DLC1: variants seen among roughly 807,000 people sequenced by gnomAD.
DLC1 encodes rho GTPase-activating protein 7.
Under a neutral mutation model 140.3 loss-of-function variants are expected in DLC1, and 54 were observed. The ratio of observed to expected loss-of-function variants is 0.38; its 90% CI spans 0.31 to 0.48. DLC1 has a LOEUF of 0.48. Among genes scored for constraint, DLC1 ranks in the 20% least tolerant of loss-of-function variants. DLC1 has a pLI of 0.96. For synonymous variants in DLC1, 986 were observed against 728.1 expected, an observed-to-expected ratio of 1.35 and a Z score of -5.70; for missense variants, 2,536 against 1,907.0, an observed-to-expected ratio of 1.33 and a Z score of -6.14.
At chr8:13,487,205 A>G (rs1353009438) in intron 2 of DLC1, among the ~76,000 whole-genome samples, 1 of 152,258 alleles carries the variant, frequency 6.6e-6, no homozygotes, top group African/African-American at 2.4e-5. Context: ...TGCAAGAAGC[A>G]AAATATTGCA....
intron 4 of DLC1, among the ~76,000 whole-genome samples, chr8:13,360,456 T>A (rs1269297791): frequency 6.6e-6 from 1 of 152,230 alleles, no homozygotes; most frequent in East Asian, 1.9e-4. Context: ...TTTCCTCTAC[T>A]AGTAGTTCTT....
At chr8:13,302,087 T>G (rs564653998) in intron 5 of DLC1, among the ~76,000 whole-genome samples, 2 of 152,370 alleles carry the variant, frequency 1.3e-5, no homozygotes, top group South Asian at 4.1e-4. Context: ...AAGAAGTTGG[T>G]TGGATTCTGT....
intron 5 of DLC1, among the ~76,000 whole-genome samples, chr8:13,174,895 G>A (rs1250649885): frequency 6.6e-6 from 1 of 151,978 alleles, no homozygotes; most frequent in East Asian, 1.9e-4. Flanking sequence ...TGGTTTTGTT[G>A]CAATTGATTT....
rs28432347 is a variant in DLC1, at chr8:13,304,795, G to C, written c.1348+474C>G. 7,511 of 962,578 alleles carry C rather than the reference G, an allele frequency of 7.8e-3. 459 individuals carry two copies. The African/African-American group carries it at 0.12, about 16-fold the overall frequency. 59.6% of individuals were successfully genotyped at this position (962,578 alleles called of 1,614,324 possible). ...AATTATAATTAAAGCACAGAACACA[G>C]AAAAATACTATAATTTTTTTCTTCA... is the stretch of plus-strand genomic sequence containing the variant. On this transcript the variant is annotated intron_variant, in intron 5 of 17. Transcript: ENST00000276297.
intron 5 of DLC1, among the ~76,000 whole-genome samples, chr8:13,193,857 A>C (rs1826901592): frequency 6.6e-6 from 1 of 152,216 alleles, no homozygotes; most frequent in Admixed American, 6.5e-5. Flanking sequence ...ATCCATTTCA[A>C]AGAAGTCATC....
chr8:13,545,024 G>C (rs1484987443), intron 1 of DLC1, among the ~76,000 whole-genome samples: 2 of 151,888 alleles, frequency 1.3e-5, no homozygotes, highest in Non-Finnish European at 2.9e-5. Context: ...ACAGGGGCTG[G>C]GTTTTTGTTT....
At chr8:13,594,005 A>C (rs1418178640) in intron 1 of DLC1, among the ~76,000 whole-genome samples, 1 of 152,210 alleles carries the variant, frequency 6.6e-6, no homozygotes. Flanking sequence ...ACAAAAAAAT[A>C]AAAAGTTATC....
chr8:13,493,111 G>A (rs970830893), intron 2 of DLC1, among the ~76,000 whole-genome samples: 10 of 152,078 alleles, frequency 6.6e-5, no homozygotes, highest in African/African-American at 2.4e-4. Context: ...TTTAGCCTAG[G>A]GAAACAAGTG....
In DLC1 at chr8:13,567,584, A is replaced by G. The variant is rs778316337; in HGVS notation, c.-126+36953T>C. 1.0e-5 allele frequency: 16 copies of G among 1,551,784 alleles called. No individual in the cohort carries two copies. The South Asian group carries it at 1.8e-4, about 17-fold the overall frequency. On this transcript the variant is annotated intron_variant, in intron 1 of 1. Coordinates refer to the DLC1 transcript ENST00000631382. Reference sequence around the variant, plus strand: ...GCAGCTAAGCAACACATATCTTATCAGTGTCCCTATTGTAACAGGAAAAGA... The same window carrying G: ...GCAGCTAAGCAACACATATCTTATCGGTGTCCCTATTGTAACAGGAAAAGA...
intron 10 of DLC1, among the ~76,000 whole-genome samples, chr8:13,097,779 C>T (rs148842918): frequency 2.6e-5 from 4 of 152,146 alleles, no homozygotes; most frequent in African/African-American, 9.6e-5. Context: ...TGCATTCTCA[C>T]CCCATCAACT....
intron 4 of DLC1, among the ~76,000 whole-genome samples, chr8:13,350,234 C>T (rs17802731): frequency 0.058 from 8,822 of 152,142 alleles, 352 homozygotes; most frequent in Middle Eastern, 0.092. Context: ...CATACCCTAA[C>T]GATAGATTTT....
chr8:13,110,046 A>G (rs553180706), intron 7 of DLC1, among the ~76,000 whole-genome samples: 1 of 152,294 alleles, frequency 6.6e-6, no homozygotes, highest in African/African-American at 2.4e-5. Context: ...AGCTTTTGAG[A>G]AAAATTAGAA....
chr8:13,542,991 A>G (rs1057314535), intron 1 of DLC1, among the ~76,000 whole-genome samples: 2 of 151,986 alleles, frequency 1.3e-5, no homozygotes, highest in African/African-American at 4.8e-5. Context: ...TCTTCTTTTT[A>G]TCACTATTAT....
chr8:13,135,333 A>C (rs956294369), intron 5 of DLC1, among the ~76,000 whole-genome samples: 18 of 150,604 alleles, frequency 1.2e-4, no homozygotes, highest in African/African-American at 4.4e-4. Context: ...GGTGCCCGCC[A>C]CCACACCCAG....
At chr8:13,306,305 T>C (rs1291505279) in intron 4 of DLC1, among the ~76,000 whole-genome samples, 1 of 152,170 alleles carries the variant, frequency 6.6e-6, no homozygotes, top group Non-Finnish European at 1.5e-5. Context: ...AACTGTCTAG[T>C]TCTACTGTTT....
At chr8:13,491,695 C>T (rs74608775) in intron 2 of DLC1, among the ~76,000 whole-genome samples, 2 of 152,080 alleles carry the variant, frequency 1.3e-5, no homozygotes, top group African/African-American at 4.8e-5. Flanking sequence ...CCTCAGAGAT[C>T]CAGATTTTAC....
chr8:13,115,139 T>C (rs1820441756), intron 6 of DLC1, among the ~76,000 whole-genome samples: 1 of 152,064 alleles, frequency 6.6e-6, no homozygotes, highest in East Asian at 1.9e-4. Flanking sequence ...CAATGGTGTA[T>C]TACACAGCAG....
intron 4 of DLC1, among the ~76,000 whole-genome samples, chr8:13,359,039 C>T (rs982705127): frequency 2.0e-5 from 3 of 152,126 alleles, no homozygotes; most frequent in Admixed American, 6.5e-5. Flanking sequence ...CCCGGGTTCA[C>T]GCCATTCTCC....
At position 13,576,174 on chromosome 8, in the gene DLC1, A is replaced by G. The variant is rs78479150; in HGVS notation, c.-126+28363T>C. Among the ~76,000 whole-genome samples, 508 of 152,320 alleles carry G rather than the reference A, an allele frequency of 3.3e-3. 3 individuals are homozygous for G. The highest frequency in any genetic ancestry group is 0.011 in the African/African-American group (470 of 41,576). ...ACCTCCTCAGTAAGACACATCATGT[A>G]TAGTTTTAATACTCTACATAAAGTG... On this transcript the variant is annotated intron_variant, in intron 1 of 1. Transcript: ENST00000631382.
Sources: allele counts gnomAD v4.1 joint callset (sites outside exome capture counted in the v4.1 genomes callset), GRCh38; gene constraint gnomAD v4.1.1; transcripts MANE v1.5; gene names NCBI Gene and HGNC (gene_info 2026-07-23, HGNC 2026-07-21).